Variants in AIG1 observed in about 807,000 individuals in gnomAD.
The protein encoded by AIG1 is androgen induced 1, also known as androgen-induced gene 1 protein.
In AIG1, 23 loss-of-function variants were observed where a neutral mutation model predicts 31.4. The observed-to-expected ratio is 0.73, with a 90% CI of 0.53 to 1.04. The LOEUF is 1.04. AIG1 is among the 50% of genes least tolerant of loss of function. AIG1 has a pLI of 0.00. For missense variants in AIG1, 274 were observed against 295.0 expected (o/e 0.93, Z 0.52); for synonymous variants, 100 against 110.5 (o/e 0.90, Z 0.60).
intron 1 of AIG1, among the ~76,000 whole-genome samples, chr6:143,062,569 G>C (rs1583033833): frequency 6.6e-6 from 1 of 152,192 alleles, no homozygotes. Context: ...GTCTTATTGG[G>C]TTGATTGGCT....
chr6:143,245,455 G>C (rs1583611422), intron 3 of AIG1, among the ~76,000 whole-genome samples: 1 of 152,156 alleles, frequency 6.6e-6, no homozygotes, highest in African/African-American at 2.4e-5. Context: ...TCATTTTATT[G>C]ATACCATAAT....
chr6:143,125,757 A>G (rs770320826), intron 1 of AIG1, among the ~76,000 whole-genome samples: 1 of 152,216 alleles, frequency 6.6e-6, no homozygotes, highest in Non-Finnish European at 1.5e-5. Flanking sequence ...CTTATATATT[A>G]AAAGCAATTA....
At chr6:143,175,607 T>G (rs994692100) in intron 3 of AIG1, among the ~76,000 whole-genome samples, 5 of 152,236 alleles carry the variant, frequency 3.3e-5, no homozygotes, top group South Asian at 2.1e-4. Context: ...TACTGAGACT[T>G]TCCAGTGCAT....
Position 143,163,246 on chromosome 6 carries a change from A to C in AIG1, c.298-1836A>C, listed in dbSNP as rs538390881. ...GTGTCACTTGTGAAATCTATCCAGCAAAAGAAGTGAAAACAGAATGGCTAT... is the reference window on the plus strand; with the variant it reads ...GTGTCACTTGTGAAATCTATCCAGCCAAAGAAGTGAAAACAGAATGGCTAT... On this transcript the variant is annotated intron_variant, in intron 2 of 5. Coordinates refer to ENST00000357847, the MANE Select transcript of AIG1 (RefSeq NM_016108.4). Among the ~76,000 whole-genome samples the C allele has an allele frequency of 2.6e-5, 4 of 152,330 alleles. No individual in the cohort carries two copies. In the South Asian group the frequency reaches 6.2e-4, roughly 24 times the overall value.
chr6:143,263,220 C>T (rs1795928306), intron 3 of AIG1, among the ~76,000 whole-genome samples: 2 of 152,052 alleles, frequency 1.3e-5, no homozygotes, highest in African/African-American at 4.8e-5. Context: ...TTCAGCAATA[C>T]CACTTTTATT....
Position 143,333,508 on chromosome 6 carries a change from A to G in AIG1, c.679+63A>G, listed in dbSNP as rs539233234. On this transcript the variant is annotated intron_variant, in intron 5 of 5. Coordinates refer to ENST00000357847, the MANE Select transcript of AIG1 (RefSeq NM_016108.4). The surrounding 1 kb of genome is among the most constrained non-coding windows in gnomAD (Gnocchi z 4.6). ...ACTGCCGGCAACAGTCTATGCAGAG[A>G]CTGAGGGAAAATTCCACTGTAGCCT... The G allele has an allele frequency of 3.5e-5, 54 of 1,534,190 alleles. No individual in the cohort carries two copies. The African/African-American group carries it at 5.7e-4, about 16-fold the overall frequency.
intron 2 of AIG1, among the ~76,000 whole-genome samples, chr6:143,151,356 A>C (rs1025014422): frequency 4.6e-5 from 7 of 152,374 alleles, no homozygotes; most frequent in Middle Eastern, 3.4e-3. Context: ...AGAGAAAAAC[A>C]AAAAATATTG....
intron 1 of AIG1, among the ~76,000 whole-genome samples, chr6:143,063,880 A>G (rs1026392794): frequency 6.6e-6 from 1 of 152,114 alleles, no homozygotes; most frequent in Non-Finnish European, 1.5e-5. Context: ...GGCTGTATTC[A>G]TTTCTCTCCT....
intron 2 of AIG1, among the ~76,000 whole-genome samples, chr6:143,153,473 G>A (rs1216155519): frequency 6.6e-6 from 1 of 151,986 alleles, no homozygotes; most frequent in African/African-American, 2.4e-5. Flanking sequence ...TCAGCCTCCC[G>A]AGTAGCTGGG....
At chr6:143,061,104 G>T in intron 1 of AIG1, 38 bp downstream of exon 1, 1 of 1,598,738 alleles carries the variant, frequency 6.3e-7, no homozygotes, top group Non-Finnish European at 8.5e-7. Context: ...CCCGCACCCC[G>T]TGCCTGTGTG....
At chr6:143,257,775 G>T (rs1279672989) in intron 3 of AIG1, among the ~76,000 whole-genome samples, 1 of 152,176 alleles carries the variant, frequency 6.6e-6, no homozygotes, top group Non-Finnish European at 1.5e-5. Context: ...GGTCATCTGT[G>T]AAGTTCTAGG....
intron 3 of AIG1, among the ~76,000 whole-genome samples, chr6:143,201,322 G>A (rs1036271531): frequency 2.0e-5 from 3 of 151,254 alleles, no homozygotes; most frequent in African/African-American, 7.3e-5. Context: ...TCATACCACT[G>A]CACTCCAGCC....
At chr6:143,189,636 G>T in intron 3 of AIG1, 2 of 985,258 alleles carry the variant, frequency 2.0e-6, no homozygotes, top group South Asian at 4.7e-5. Flanking sequence ...TTTTTGATGT[G>T]TCTTAAAGTT....
rs911089905 is a variant in AIG1 at position 143,328,222 on chromosome 6, G to C, written c.516-5060G>C. 3.3e-5 allele frequency among the ~76,000 whole-genome samples: 5 copies of C among 152,142 alleles called. No homozygotes were observed. Among genetic ancestry groups the C allele is most frequent in the Non-Finnish European group, 7.3e-5 (5 of 68,030 alleles). ...GCAAGAAGAGATGCCAGACTGCTGT[G>C]GGTGAAAGTGAGTACAATGTACAGA... On this transcript the variant is annotated intron_variant, in intron 4 of 5. Transcript: ENST00000357847. This position sits in a 1 kb window ranked among gnomAD's most constrained non-coding sequence, Gnocchi z 4.0.
Position 143,293,421 on chromosome 6 carries a change from C to T in AIG1, c.515+9196C>T, listed in dbSNP as rs1798195658. Among the ~76,000 whole-genome samples, 1 of 152,154 alleles carries T rather than the reference C, an allele frequency of 6.6e-6. No individual in the cohort carries two copies. The highest frequency in any genetic ancestry group is 2.4e-5 in the African/African-American group (1 of 41,444). On this transcript the variant is annotated intron_variant, in intron 4 of 5. Transcript: ENST00000357847. The surrounding 1 kb of genome is among the most constrained non-coding windows in gnomAD (Gnocchi z 4.8). ...GTCATTGCTTTCCCATTATTCCAATCTGCGTATTTTTACAAGCACTGTGCT... is the reference window on the plus strand; with the variant it reads ...GTCATTGCTTTCCCATTATTCCAATTTGCGTATTTTTACAAGCACTGTGCT...
At chr6:143,081,683 C>T (rs983471701) in intron 1 of AIG1, among the ~76,000 whole-genome samples, 2 of 151,974 alleles carry the variant, frequency 1.3e-5, no homozygotes, top group African/African-American at 2.4e-5. Flanking sequence ...GCTGTCAATG[C>T]CTAAGTGAAA....
intron 3 of AIG1, chr6:143,187,246 C>T: frequency 1.5e-6 from 1 of 660,768 alleles, no homozygotes; most frequent in South Asian, 1.9e-5. Context: ...AGAATTCCCC[C>T]TTCATCATAC....
chr6:143,269,212 G>A (rs888049026), intron 3 of AIG1, among the ~76,000 whole-genome samples: 2 of 152,220 alleles, frequency 1.3e-5, no homozygotes, highest in Non-Finnish European at 2.9e-5. Flanking sequence ...ACCAGCAACA[G>A]TAGGACAATC....
intron 3 of AIG1, among the ~76,000 whole-genome samples, chr6:143,195,164 G>T (rs1415158354): frequency 2.6e-5 from 4 of 152,182 alleles, no homozygotes; most frequent in Non-Finnish European, 4.4e-5. Context: ...CTGACGGTGG[G>T]AGTTTAGGGT....
Sources: allele counts gnomAD v4.1 joint callset (sites outside exome capture counted in the v4.1 genomes callset), GRCh38; gene constraint gnomAD v4.1.1; non-coding constraint Gnocchi (gnomAD v3.1); transcripts MANE v1.5; gene names NCBI Gene and HGNC (gene_info 2026-07-23, HGNC 2026-07-21).